The following OPCML variants were observed in gnomAD, a reference collection of about 807,000 sequenced individuals.
OPCML encodes the protein opioid binding protein/cell adhesion molecule like, also known as opioid-binding protein/cell adhesion molecule.
In OPCML, 13 loss-of-function variants were observed where a neutral mutation model predicts 37.8. The ratio of observed to expected loss-of-function variants is 0.34; its 90% CI spans 0.22 to 0.55. The LOEUF (loss-of-function observed/expected upper bound fraction) is 0.55, where lower values mean the gene tolerates loss of function less well. Among genes scored for constraint, OPCML ranks in the 20% least tolerant of loss-of-function variants. The pLI, the probability that OPCML is intolerant of heterozygous loss-of-function variation, is 0.91. For synonymous variants in OPCML, 176 were observed against 168.8 expected, an observed-to-expected ratio of 1.04 and a Z score of -0.33; for missense variants, 341 against 435.6, an observed-to-expected ratio of 0.78 and a Z score of 1.93.
intron 4 of OPCML, among the ~76,000 whole-genome samples, chr11:132,526,499 T>C (rs2096308815): frequency 6.6e-6 from 1 of 152,136 alleles, no homozygotes; most frequent in African/African-American, 2.4e-5. Context: ...TTTTAATAGC[T>C]GAGGTCTTTA....
At chr11:133,375,989 A>C (rs747571824) in intron 1 of OPCML, among the ~76,000 whole-genome samples, 5 of 152,224 alleles carry the variant, frequency 3.3e-5, no homozygotes, top group Non-Finnish European at 7.3e-5. Context: ...GGGAGCAGAA[A>C]CTATACTGCC....
intron 3 of OPCML, among the ~76,000 whole-genome samples, chr11:132,559,663 A>G (rs1365005120): frequency 2.0e-5 from 3 of 152,216 alleles, no homozygotes; most frequent in Non-Finnish European, 4.4e-5. Flanking sequence ...ACATTAACAC[A>G]TGAGGGAAAC....
At chr11:132,534,284 A>G (rs2096334350) in intron 3 of OPCML, among the ~76,000 whole-genome samples, 1 of 152,178 alleles carries the variant, frequency 6.6e-6, no homozygotes, top group African/African-American at 2.4e-5. Flanking sequence ...TAAAACATAC[A>G]TAGTTTTGTG....
chr11:133,073,249 G>A (rs1310412744), intron 1 of OPCML, among the ~76,000 whole-genome samples: 2 of 152,206 alleles, frequency 1.3e-5, no homozygotes, highest in Non-Finnish European at 2.9e-5. Flanking sequence ...AAGCCCTGGG[G>A]CAGAAAAGCA....
At chr11:133,030,952 G>A (rs1947655837) in intron 1 of OPCML, among the ~76,000 whole-genome samples, 1 of 152,038 alleles carries the variant, frequency 6.6e-6, no homozygotes, top group African/African-American at 2.4e-5. Flanking sequence ...CTTATACTAG[G>A]GAAAATTGGG....
intron 1 of OPCML, among the ~76,000 whole-genome samples, chr11:133,027,819 A>G (rs370557804): frequency 0.11 from 371 of 3,236 alleles, no homozygotes; most frequent in African/African-American, 0.17. Context: ...CTGTGGTGGG[A>G]TGTGGGGGGA....
At chr11:132,490,821 A>G (rs200810182) in intron 4 of OPCML, among the ~76,000 whole-genome samples, 1 of 130,266 alleles carries the variant, frequency 7.7e-6, no homozygotes. Flanking sequence ...AAAAAAAAAG[A>G]AAAAAAAAAA....
intron 1 of OPCML, among the ~76,000 whole-genome samples, chr11:132,970,402 C>T (rs111700242): frequency 2.0e-5 from 3 of 151,958 alleles, no homozygotes; most frequent in African/African-American, 7.3e-5. Context: ...GACAAAAAAA[C>T]CCCAGCTTTT....
chr11:132,637,038 G>A (rs1406495778), intron 3 of OPCML, among the ~76,000 whole-genome samples: 1 of 152,040 alleles, frequency 6.6e-6, no homozygotes, highest in African/African-American at 2.4e-5. Context: ...CCATCAACTA[G>A]CCAAGCATTT....
intron 4 of OPCML, among the ~76,000 whole-genome samples, chr11:132,516,729 C>A (rs371468319): frequency 6.6e-5 from 10 of 152,144 alleles, no homozygotes; most frequent in African/African-American, 2.2e-4. Flanking sequence ...GAGTTTCAGT[C>A]ACTCAAGGTG....
intron 1 of OPCML, among the ~76,000 whole-genome samples, chr11:133,505,447 C>T (rs964565409): frequency 6.6e-6 from 1 of 152,300 alleles, no homozygotes; most frequent in South Asian, 2.1e-4. Flanking sequence ...AGCACCTGCT[C>T]GGGAACCTCC....
intron 4 of OPCML, among the ~76,000 whole-genome samples, chr11:132,455,950 C>G (rs570404414): frequency 1.3e-5 from 2 of 152,318 alleles, no homozygotes; most frequent in Non-Finnish European, 2.9e-5. Flanking sequence ...TCCTCTCTCT[C>G]TCTGCCAATA....
At chr11:133,081,789 T>C (rs1948721036) in intron 1 of OPCML, among the ~76,000 whole-genome samples, 1 of 151,992 alleles carries the variant, frequency 6.6e-6, no homozygotes, top group African/African-American at 2.4e-5. Context: ...ACAGTAAACA[T>C]CCAGCCCCCG....
chr11:132,521,295 A>C (rs909633889), intron 4 of OPCML, among the ~76,000 whole-genome samples: 2 of 152,096 alleles, frequency 1.3e-5, no homozygotes, highest in Non-Finnish European at 2.9e-5. Flanking sequence ...TCAGATGAGT[A>C]GATTGCAAAA....
intron 1 of OPCML, among the ~76,000 whole-genome samples, chr11:133,309,251 C>T (rs956113450): frequency 6.6e-6 from 1 of 152,196 alleles, no homozygotes; most frequent in Non-Finnish European, 1.5e-5. Flanking sequence ...GGGATAACAT[C>T]ACCAGTGAGG....
At chr11:133,084,259 A>AC (rs1591987003) in intron 1 of OPCML, among the ~76,000 whole-genome samples, 2 of 151,870 alleles carry the variant, frequency 1.3e-5, no homozygotes, top group Admixed American at 6.6e-5. Flanking sequence ...TCCAAAGCCC[A>AC]CCCCCCAGAC....
chr11:133,245,362 A>G (rs1940882780), intron 1 of OPCML, among the ~76,000 whole-genome samples: 1 of 152,242 alleles, frequency 6.6e-6, no homozygotes, highest in African/African-American at 2.4e-5. Context: ...AGATTGTCTT[A>G]GACCAATATT....
intron 1 of OPCML, among the ~76,000 whole-genome samples, chr11:133,259,823 T>C (rs1041487991): frequency 2.6e-5 from 4 of 152,216 alleles, no homozygotes; most frequent in Non-Finnish European, 5.9e-5. Flanking sequence ...ACATTTTTTG[T>C]ATTTACTCAT....
In OPCML at chr11:133,140,900, ACG is replaced by A. The variant is rs1491260532; in HGVS notation, c.62-197892_62-197891del. 2.7e-3 allele frequency among the ~76,000 whole-genome samples: 39 copies of A among 14,394 alleles called. 9 individuals carry two copies. Among genetic ancestry groups the A allele is most frequent in the South Asian group, 8.1e-3 (2 of 246 alleles). 9.4% of individuals were successfully genotyped at this position (14,394 alleles called of 152,430 possible). The stretch of plus-strand genomic sequence containing the variant: ...GAAGACGACGACGACGACGAAGACG[ACG>A]ACGACGAAGAAGAAGAAGACGACGA... On this transcript the variant is annotated intron_variant, in intron 1 of 7. Coordinates refer to ENST00000524381, the MANE Select transcript of OPCML (RefSeq NM_001012393.5).
Sources: gnomAD v4.1 joint callset for allele counts (sites outside exome capture counted in the v4.1 genomes callset) on GRCh38, gnomAD v4.1.1 for gene constraint, MANE v1.5 for transcripts, NCBI Gene and HGNC (gene_info 2026-07-23, HGNC 2026-07-21) for gene names.